Variants in GALNTL6 observed in about 807,000 individuals in gnomAD.
GALNTL6 encodes the protein polypeptide N-acetylgalactosaminyltransferase like 6, also known as polypeptide N-acetylgalactosaminyltransferase-like 6.
A neutral mutation model predicts 73.7 loss-of-function variants in GALNTL6; 46 were observed. The ratio of observed to expected loss-of-function variants is 0.62; its 90% CI spans 0.49 to 0.80. The LOEUF is 0.80. Ranked by LOEUF, GALNTL6 falls within the 30% of genes least tolerant of loss-of-function variation. The pLI, the probability that GALNTL6 is intolerant of heterozygous loss-of-function variation, is 0.00. For missense variants in GALNTL6, 604 were observed against 755.0 expected (o/e 0.80, Z 2.34); for synonymous variants, 259 against 263.7 (o/e 0.98, Z 0.17).
Position 172,428,363 on chromosome 4 carries a change from G to A in GALNTL6, c.553+79674G>A, listed in dbSNP as rs185480990. 2.5e-3 allele frequency among the ~76,000 whole-genome samples: 373 copies of A among 152,160 alleles called. 2 individuals carry two copies. The highest frequency in any genetic ancestry group is 4.0e-3 in the Non-Finnish European group (272 of 68,002). On this transcript the variant is annotated intron_variant, in intron 5 of 12. Transcript: ENST00000506823. ...TGAAAAATACAAAAAGTAAAATGGC[G>A]TTAGGAAACTGACAACTATTTACTT...
At chr4:172,273,885 C>T (rs972467626) in intron 3 of GALNTL6, among the ~76,000 whole-genome samples, 7 of 152,116 alleles carry the variant, frequency 4.6e-5, no homozygotes, top group Non-Finnish European at 1.5e-5. Context: ...ACCCAATTTG[C>T]ATTTTAAGCA....
At chr4:172,909,138 G>A (rs1233650894) in intron 8 of GALNTL6, among the ~76,000 whole-genome samples, 1 of 151,608 alleles carries the variant, frequency 6.6e-6, no homozygotes, top group African/African-American at 2.4e-5. Context: ...CTCAGCGATA[G>A]TACAGAACAA....
intron 3 of GALNTL6, among the ~76,000 whole-genome samples, chr4:172,307,311 T>G (rs1050209182): frequency 6.6e-6 from 1 of 152,214 alleles, no homozygotes; most frequent in Non-Finnish European, 1.5e-5. Context: ...TGGTTTTCTG[T>G]TTACTCTGCT....
chr4:172,069,522 GTATAACACATATATTATATATAACACATA>G (rs1731462730), intron 2 of GALNTL6, among the ~76,000 whole-genome samples: 11 of 56,006 alleles, frequency 2.0e-4, no homozygotes, highest in Non-Finnish European at 2.6e-4. Flanking sequence ...TATGTTATAT[GTATAACACATATATTATATATAACACATA>G]TATGTTATAT....
At chr4:172,924,890 C>T (rs753667237) in intron 8 of GALNTL6, among the ~76,000 whole-genome samples, 1 of 151,862 alleles carries the variant, frequency 6.6e-6, no homozygotes, top group Admixed American at 6.6e-5. Flanking sequence ...TTTGTTTTTT[C>T]GAGACAGAGT....
intron 4 of GALNTL6, among the ~76,000 whole-genome samples, chr4:172,336,424 A>G (rs888639425): frequency 6.7e-6 from 1 of 149,510 alleles, no homozygotes; most frequent in Non-Finnish European, 1.5e-5. Context: ...GGCACATGCC[A>G]CCATGCCCAG....
chr4:171,921,839 A>G lies in GALNTL6; in HGVS notation c.138+107121A>G, dbSNP rs191096648. Among the ~76,000 whole-genome samples the G allele has an allele frequency of 2.6e-5, 4 of 152,204 alleles. No homozygotes were observed. The East Asian group carries it at 7.7e-4, about 29-fold the overall frequency. On this transcript the variant is annotated intron_variant, in intron 2 of 12. Coordinates refer to ENST00000506823, the MANE Select transcript of GALNTL6 (RefSeq NM_001034845.3). ...CATTTAAAAAAAGTCCTGCTGGTTT[A>G]TCTTAAAAAATAAATCTTTCTAAAG...
chr4:172,378,078 C>T (rs1342591371), intron 5 of GALNTL6, among the ~76,000 whole-genome samples: 1 of 152,194 alleles, frequency 6.6e-6, no homozygotes, highest in East Asian at 1.9e-4. Context: ...TGAGGGCTGC[C>T]AGCACGTTGT....
Position 172,711,554 on chromosome 4 carries a change from G to A in GALNTL6, c.554-97807G>A, listed in dbSNP as rs922864417. Among the ~76,000 whole-genome samples, 3 of 152,150 alleles carry A rather than the reference G, an allele frequency of 2.0e-5. No homozygotes were observed. The South Asian group carries it at 6.2e-4, about 32-fold the overall frequency. Reference sequence around the variant, plus strand: ...ATTGAATGTGTGCCGGGTGAACAAGGTAGGGTTCCAGGATGATTCCAAGGG... The same window carrying A: ...ATTGAATGTGTGCCGGGTGAACAAGATAGGGTTCCAGGATGATTCCAAGGG... On this transcript the variant is annotated intron_variant, in intron 5 of 12. Coordinates refer to ENST00000506823, the MANE Select transcript of GALNTL6 (RefSeq NM_001034845.3).
At chr4:172,705,497 T>G (rs1379776784) in intron 5 of GALNTL6, among the ~76,000 whole-genome samples, 1 of 151,784 alleles carries the variant, frequency 6.6e-6, no homozygotes, top group African/African-American at 2.4e-5. Flanking sequence ...CCTTCCAAAA[T>G]TTTGACTTTT....
intron 2 of GALNTL6, among the ~76,000 whole-genome samples, chr4:171,947,817 C>T (rs2111025321): frequency 6.6e-6 from 1 of 152,286 alleles, no homozygotes; most frequent in Admixed American, 6.5e-5. Flanking sequence ...AGTGACGCAC[C>T]AGAGCCCTAT....
At chr4:172,499,602 T>C (rs1311515211) in intron 5 of GALNTL6, among the ~76,000 whole-genome samples, 1 of 152,160 alleles carries the variant, frequency 6.6e-6, no homozygotes, top group Non-Finnish European at 1.5e-5. Context: ...GGAAAGTAAC[T>C]TGAATGAGAA....
intron 2 of GALNTL6, among the ~76,000 whole-genome samples, chr4:172,141,916 C>A (rs890841560): frequency 1.4e-5 from 2 of 138,992 alleles, no homozygotes; most frequent in East Asian, 4.6e-4. Context: ...CACACACCCC[C>A]CACACTCATT....
At chr4:172,987,735 T>G (rs1410398374) in intron 10 of GALNTL6, among the ~76,000 whole-genome samples, 1 of 51,610 alleles carries the variant, frequency 1.9e-5, no homozygotes, top group African/African-American at 4.4e-5. Context: ...TGAGATCTGG[T>G]TGTTTAAAAG....
chr4:172,352,810 C>T (rs950755444), intron 5 of GALNTL6, among the ~76,000 whole-genome samples: 1 of 151,964 alleles, frequency 6.6e-6, no homozygotes, highest in Non-Finnish European at 1.5e-5. Flanking sequence ...TCTGCTCCTG[C>T]TTGTTTCAAA....
At chr4:171,990,029 G>A (rs544159442) in intron 2 of GALNTL6, among the ~76,000 whole-genome samples, 1 of 152,282 alleles carries the variant, frequency 6.6e-6, no homozygotes, top group Non-Finnish European at 1.5e-5. Context: ...GACCAGGTGT[G>A]AGGAGGGGAG....
At chr4:172,517,902 T>A (rs1274645346) in intron 5 of GALNTL6, among the ~76,000 whole-genome samples, 2 of 152,116 alleles carry the variant, frequency 1.3e-5, no homozygotes, top group Non-Finnish European at 2.9e-5. Flanking sequence ...TGATATTCAT[T>A]TCAACCATTC....
chr4:172,364,845 T>C (rs1176994903), intron 5 of GALNTL6, among the ~76,000 whole-genome samples: 2 of 152,210 alleles, frequency 1.3e-5, no homozygotes, highest in Non-Finnish European at 2.9e-5. Context: ...GATAGATAGA[T>C]GCATAGCAGA....
intron 3 of GALNTL6, among the ~76,000 whole-genome samples, chr4:172,308,831 A>G (rs1044623654): frequency 1.3e-5 from 2 of 152,190 alleles, no homozygotes; most frequent in Non-Finnish European, 2.9e-5. Context: ...GCTAGTGAAC[A>G]TTAGTCTCTC....
Sources: allele counts gnomAD v4.1 joint callset (sites outside exome capture counted in the v4.1 genomes callset), GRCh38; gene constraint gnomAD v4.1.1; transcripts MANE v1.5; gene names NCBI Gene and HGNC (gene_info 2026-07-23, HGNC 2026-07-21).